Variants in FBN2 observed in about 807,000 individuals in gnomAD.
The protein encoded by FBN2 is fibrillin 2.
FBN2 carries 105 observed loss-of-function variants against 355.6 expected under a neutral mutation model. That is an observed-to-expected ratio of 0.30 (90% CI 0.25 to 0.35). FBN2 has a LOEUF of 0.35. FBN2 is among the 10% of genes least tolerant of loss of function. The pLI, the probability that FBN2 is intolerant of heterozygous loss-of-function variation, is 1.00. For synonymous variants in FBN2, 1,350 were observed against 1,301.2 expected (o/e 1.04, Z -0.81); for missense variants, 3,280 against 3,758.7 (o/e 0.87, Z 3.33).
chr5:128,354,609 G>C (rs897059502), intron 20 of FBN2, among the ~76,000 whole-genome samples: 1 of 152,174 alleles, frequency 6.6e-6, no homozygotes, highest in Non-Finnish European at 1.5e-5. Flanking sequence ...TTGGGGGTTG[G>C]TGTGGTGATC....
At chr5:128,450,121 G>T (rs1217488638) in intron 6 of FBN2, among the ~76,000 whole-genome samples, 1 of 151,986 alleles carries the variant, frequency 6.6e-6, no homozygotes, top group Non-Finnish European at 1.5e-5. Flanking sequence ...TTAACTAAAA[G>T]AATAAGTAGA....
At chr5:128,514,713 G>C (rs1490088272) in intron 5 of FBN2, among the ~76,000 whole-genome samples, 1 of 152,096 alleles carries the variant, frequency 6.6e-6, no homozygotes, top group Non-Finnish European at 1.5e-5. Flanking sequence ...TTATTACAAC[G>C]TGCAGTGTAC....
chr5:128,348,292 T>C (rs974293673), intron 23 of FBN2, among the ~76,000 whole-genome samples: 8 of 152,184 alleles, frequency 5.3e-5, no homozygotes, highest in African/African-American at 1.9e-4. Context: ...TTTCAAATGA[T>C]ACTTATTTCT....
At chr5:128,282,066 G>A (rs1765564330) in intron 55 of FBN2, among the ~76,000 whole-genome samples, 1 of 152,032 alleles carries the variant, frequency 6.6e-6, no homozygotes, top group African/African-American at 2.4e-5. Flanking sequence ...ATACTTGATT[G>A]AGTATAGCAT....
chr5:128,311,511 G>C (rs1233355776), intron 38 of FBN2, 86 bp from the exon 39 acceptor site: 1 of 1,430,958 alleles, frequency 7.0e-7, no homozygotes, highest in East Asian at 2.3e-5. Context: ...GTGTGATCTT[G>C]TAAGAATCAG....
chr5:128,265,658 T>C (rs1156712152), intron 62 of FBN2, among the ~76,000 whole-genome samples: 1 of 152,238 alleles, frequency 6.6e-6, no homozygotes, highest in Non-Finnish European at 1.5e-5. Flanking sequence ...TGAATAATTG[T>C]ATTTGAATAA....
At chr5:128,466,527 C>T (rs575052006) in intron 5 of FBN2, among the ~76,000 whole-genome samples, 8 of 152,250 alleles carry the variant, frequency 5.3e-5, no homozygotes, top group Non-Finnish European at 8.8e-5. Context: ...ATATCATATA[C>T]GTGCTGCAGT....
chr5:128,301,350 C>T (rs1337995020), intron 47 of FBN2, 32 bp downstream of exon 47: 1 of 1,598,624 alleles, frequency 6.3e-7, no homozygotes, highest in Non-Finnish European at 8.6e-7. Flanking sequence ...AAACATAACA[C>T]CACAAAGACT....
intron 9 of FBN2, among the ~76,000 whole-genome samples, chr5:128,394,812 G>A (rs993750347): frequency 6.6e-6 from 1 of 152,060 alleles, no homozygotes; most frequent in African/African-American, 2.4e-5. Context: ...TTGAGACAGG[G>A]TCTCGCTCTG....
intron 7 of FBN2, among the ~76,000 whole-genome samples, chr5:128,435,008 T>C (rs1241522475): frequency 1.3e-5 from 2 of 152,170 alleles, no homozygotes; most frequent in Admixed American, 6.5e-5. Context: ...TACTTTACCA[T>C]GCTTTTTTTT....
intron 5 of FBN2, among the ~76,000 whole-genome samples, chr5:128,485,576 A>G (rs1198301686): frequency 6.6e-6 from 1 of 152,176 alleles, no homozygotes; most frequent in Non-Finnish European, 1.5e-5. Flanking sequence ...ATGGAGACTG[A>G]TAGCATTTAT....
chr5:128,354,079 T>C (rs961308510), intron 20 of FBN2, among the ~76,000 whole-genome samples: 1 of 152,050 alleles, frequency 6.6e-6, no homozygotes, highest in Admixed American at 6.6e-5. Context: ...ATGTAGATAG[T>C]CAGGAATTAG....
intron 21 of FBN2, 73 bp downstream of exon 21, chr5:128,350,795 T>C: frequency 6.5e-7 from 1 of 1,534,540 alleles, no homozygotes; most frequent in Non-Finnish European, 9.0e-7. Flanking sequence ...AGGAACTGCG[T>C]AGTGAAAGAG....
rs764059917 is a variant in FBN2, at chr5:128,345,626, C to T, written c.2990-42G>A. On this transcript the variant is annotated intron_variant, in intron 23 of 64. Coordinates refer to ENST00000262464, the MANE Select transcript of FBN2 (RefSeq NM_001999.4). ...ATCACAGGGTGAGAATGAGTTGAAA[C>T]ATCCATTGAACAGTCACATGTCAAG... 5 of 1,540,688 alleles carry T rather than the reference C, an allele frequency of 3.2e-6. No individual in the cohort carries two copies. In the South Asian group the frequency reaches 3.4e-5, roughly 10 times the overall value.
chr5:128,495,215 A>AC (rs11446335), intron 5 of FBN2, among the ~76,000 whole-genome samples: 75,425 of 151,896 alleles, frequency 0.5, 21,977 homozygotes, highest in African/African-American at 0.82. Flanking sequence ...GGATCAGTGA[A>AC]TTTCTGGTGA....
intron 20 of FBN2, among the ~76,000 whole-genome samples, chr5:128,356,181 C>A (rs1751498165): frequency 6.6e-6 from 1 of 152,092 alleles, no homozygotes; most frequent in African/African-American, 2.4e-5. Flanking sequence ...AAAGTAATGC[C>A]CCAGGCAGAT....
intron 5 of FBN2, among the ~76,000 whole-genome samples, chr5:128,495,785 A>AT (rs1240348872): frequency 3.3e-5 from 5 of 152,248 alleles, no homozygotes; most frequent in African/African-American, 7.2e-5. Context: ...GAAGACTCAA[A>AT]TTATTTATAC....
At chr5:128,393,057 A>C in intron 10 of FBN2, 78 bp downstream of exon 10, 1 of 1,193,722 alleles carries the variant, frequency 8.4e-7, no homozygotes, top group Admixed American at 1.7e-5. Context: ...CCCTTTTGAA[A>C]AATTAAAATT....
chr5:128,299,980 A>G (rs1336184678), intron 48 of FBN2, among the ~76,000 whole-genome samples: 2 of 152,254 alleles, frequency 1.3e-5, no homozygotes, highest in Admixed American at 1.3e-4. Flanking sequence ...GGGGATACCC[A>G]TGGTATCTAA....
Sources: gnomAD v4.1 joint callset for allele counts (sites outside exome capture counted in the v4.1 genomes callset) on GRCh38, gnomAD v4.1.1 for gene constraint, MANE v1.5 for transcripts, NCBI Gene and HGNC (gene_info 2026-07-23, HGNC 2026-07-21) for gene names.